The following CSRP3 variants were observed in gnomAD, a reference collection of about 807,000 sequenced individuals.
CSRP3 encodes the protein cysteine and glycine rich protein 3.
CSRP3 carries 24 observed loss-of-function variants against 24.3 expected under a neutral mutation model. The ratio of observed to expected loss-of-function variants is 0.99; its 90% CI spans 0.71 to 1.39. CSRP3 has a LOEUF of 1.39. Ranked by LOEUF, CSRP3 falls within the 40% of genes most tolerant of loss-of-function variation. The pLI is 0.00. For missense variants in CSRP3, 240 were observed against 249.0 expected, an observed-to-expected ratio of 0.96 and a Z score of 0.24; for synonymous variants, 105 against 94.0, an observed-to-expected ratio of 1.12 and a Z score of -0.68.
chr11:19,188,549 G>A lies in CSRP3; in HGVS notation c.113-245C>T, dbSNP rs529047531. ...AAAGGGTGGAAGCTAGCATTAGAAC[G>A]AGATATATAGTCTCAGACCTGCTAA... On this transcript the variant is annotated intron_variant, in intron 2 of 5. Coordinates refer to ENST00000265968, the MANE Select transcript of CSRP3 (RefSeq NM_003476.5). Among the ~76,000 whole-genome samples the A allele has an allele frequency of 1.7e-4, 26 of 151,824 alleles. No homozygotes were observed. The South Asian group carries it at 5.4e-3, about 32-fold the overall frequency.
At position 19,182,664 on chromosome 11, in the gene CSRP3, A is replaced by G. The variant is rs749568462; in HGVS notation, c.*6T>C. ...TCGCAAAAAATCTGAGAAACGGCGCACCTCTTCATTCTTTCTTTTCCACTT... is the reference window on the plus strand; with the variant it reads ...TCGCAAAAAATCTGAGAAACGGCGCGCCTCTTCATTCTTTCTTTTCCACTT... On this transcript the variant is annotated 3_prime_UTR_variant, in exon 6 of 6. Coordinates refer to ENST00000265968, the MANE Select transcript of CSRP3 (RefSeq NM_003476.5). 1.2e-6 allele frequency: 2 copies of G among 1,613,754 alleles called. No individual in the cohort carries two copies. Among genetic ancestry groups the G allele is most frequent in the Admixed American group, 3.3e-5 (2 of 60,004 alleles).
At chr11:19,191,321 C>T (rs1294101405) in intron 2 of CSRP3, among the ~76,000 whole-genome samples, 2 of 152,142 alleles carry the variant, frequency 1.3e-5, no homozygotes, top group African/African-American at 4.8e-5. Context: ...GAGTCCAGCC[C>T]TTGGAGTTCT....
At chr11:19,197,559 C>CTT in intron 1 of CSRP3, among the ~76,000 whole-genome samples, 1 of 127,486 alleles carries the variant, frequency 7.8e-6, no homozygotes, top group Non-Finnish European at 1.6e-5. Flanking sequence ...TTCTTTCTTT[C>CTT]TTTCTTTCTT....
chr11:19,182,908 G>A (rs1376786518), intron 5 of CSRP3, among the ~76,000 whole-genome samples, 162 bp from the exon 6 acceptor site: 2 of 152,208 alleles, frequency 1.3e-5, no homozygotes, highest in Non-Finnish European at 2.9e-5. Flanking sequence ...TGTAATCCCA[G>A]CACTTTGGGA....
chr11:19,199,958 G>A (rs568132488), intron 1 of CSRP3, among the ~76,000 whole-genome samples: 9 of 152,308 alleles, frequency 5.9e-5, no homozygotes, highest in East Asian at 3.9e-4. Context: ...CTCAAGACTT[G>A]TATTTCCTGT....
intron 5 of CSRP3, among the ~76,000 whole-genome samples, chr11:19,182,962 G>T (rs1281649179): frequency 6.6e-6 from 1 of 152,212 alleles, no homozygotes; most frequent in East Asian, 1.9e-4. Flanking sequence ...TTTGAGACCA[G>T]CCTGGCCAAC....
rs199793773 is a variant in CSRP3, at chr11:19,188,181, C to T, written c.236G>A (p.Cys79Tyr). 1 of 1,614,102 alleles carries T rather than the reference C, an allele frequency of 6.2e-7. No homozygotes were observed. Among genetic ancestry groups the T allele is most frequent in the Non-Finnish European group, 8.5e-7 (1 of 1,180,048 alleles). Residue 79 changes from cysteine to tyrosine, a missense_variant, in exon 3 of 6, where the codon TGT becomes TAT. Coordinates refer to ENST00000265968, the MANE Select transcript of CSRP3 (RefSeq NM_003476.5). ...KGIGYGQGAGCLSTDTGEHLG... is the reference protein window; with the variant it reads ...KGIGYGQGAGYLSTDTGEHLG... ...ATGCTCGCCCGTGTCTGTGCTGAGA[C>T]AGCCAGCGCCTTGTCCATACCCGAT...
chr11:19,201,302 G>A (rs1850836882), intron 1 of CSRP3, among the ~76,000 whole-genome samples: 2 of 152,180 alleles, frequency 1.3e-5, no homozygotes, highest in South Asian at 4.1e-4. Flanking sequence ...AAGCAAACTT[G>A]TTGCTGAATA....
At chr11:19,195,003 A>G (rs1850674896) in intron 1 of CSRP3, among the ~76,000 whole-genome samples, 1 of 152,098 alleles carries the variant, frequency 6.6e-6, no homozygotes, top group Non-Finnish European at 1.5e-5. Context: ...ACCAGAGAAG[A>G]GTCTTGTGAG....
At chr11:19,195,989 C>T (rs1159192780) in intron 1 of CSRP3, among the ~76,000 whole-genome samples, 1 of 152,160 alleles carries the variant, frequency 6.6e-6, no homozygotes, top group African/African-American at 2.4e-5. Context: ...TGAATCCAGG[C>T]CAGGCATGGT....
At chr11:19,197,500 C>CCTCTTT (rs1241199936) in intron 1 of CSRP3, among the ~76,000 whole-genome samples, 2 of 99,176 alleles carry the variant, frequency 2.0e-5, no homozygotes, top group African/African-American at 4.0e-5. Context: ...TCCCTCTTTT[C>CCTCTTT]CTCTTTCTTT....
chr11:19,184,778 G>A (rs1310551492), intron 5 of CSRP3, among the ~76,000 whole-genome samples, 174 bp downstream of exon 5: 1 of 152,216 alleles, frequency 6.6e-6, no homozygotes, highest in Non-Finnish European at 1.5e-5. Flanking sequence ...GCTGGGTCAG[G>A]TGGGAGATTC....
chr11:19,194,534 C>G (rs182253175), intron 1 of CSRP3, among the ~76,000 whole-genome samples: 1 of 151,946 alleles, frequency 6.6e-6, no homozygotes, highest in Non-Finnish European at 1.5e-5. Context: ...AAAAAATTAC[C>G]CTGGTGTGGT....
At chr11:19,191,049 G>A (rs1850605399) in intron 2 of CSRP3, among the ~76,000 whole-genome samples, 1 of 152,170 alleles carries the variant, frequency 6.6e-6, no homozygotes, top group Non-Finnish European at 1.5e-5. Flanking sequence ...TACAGGCCTA[G>A]AAGGCTGGAT....
At chr11:19,184,532 C>A (rs1850492351) in intron 5 of CSRP3, among the ~76,000 whole-genome samples, 2 of 152,210 alleles carry the variant, frequency 1.3e-5, no homozygotes, top group Non-Finnish European at 2.9e-5. Context: ...TGAGGCCAAA[C>A]TGAGTTCACC....
chr11:19,186,339 C>G lies in CSRP3; in HGVS notation c.291G>C (p.Lys97Asn). The G allele has an allele frequency of 6.2e-7, 1 of 1,614,212 alleles. No individual in the cohort carries two copies. Among genetic ancestry groups the G allele is most frequent in the Non-Finnish European group, 8.5e-7 (1 of 1,180,046 alleles). Residue 97 changes from lysine (K) to asparagine (N), a missense_variant, in exon 4 of 6, where the codon AAG (lysine) becomes AAC (asparagine). Lys to Asn is a moderately conservative substitution (Grantham distance 94). Coordinates refer to ENST00000265968, the MANE Select transcript of CSRP3 (RefSeq NM_003476.5). ...TGCTGGTGGTAACTGAGCGTGCCGG[C>G]TTTGGGGACCTGTTGGAAATAGACG... ...HLGLQFQQSP[K>N]PARSVTTSNP...
In CSRP3 at chr11:19,182,531, A is replaced by G; in HGVS notation, c.*139T>C. 1.2e-6 allele frequency: 1 copy of G among 802,694 alleles called. No individual in the cohort carries two copies. The highest frequency in any genetic ancestry group is 1.4e-5 in the South Asian group (1 of 73,450). The allele number at this position is 802,694 out of a possible 1,614,324, so 49.7% of individuals were successfully genotyped here. A position where few individuals can be genotyped will look rare whatever the true frequency, so the allele number is the denominator to read the frequency against. ...CAAAGGCCTCTTCTAACATTCAGTA[A>G]AGACCTGATCACTTCTGAGGAGAAA... On this transcript the variant is annotated 3_prime_UTR_variant, in exon 6 of 6. Coordinates refer to ENST00000265968, the MANE Select transcript of CSRP3 (RefSeq NM_003476.5).
intron 5 of CSRP3, among the ~76,000 whole-genome samples, chr11:19,183,450 T>C (rs1399675091): frequency 1.3e-5 from 2 of 152,072 alleles, no homozygotes; most frequent in Admixed American, 6.6e-5. Flanking sequence ...CTTCCTGGAA[T>C]GCCCCCTCCC....
chr11:19,197,240 G>T (rs1850729524), intron 1 of CSRP3, among the ~76,000 whole-genome samples: 1 of 152,026 alleles, frequency 6.6e-6, no homozygotes, highest in Middle Eastern at 3.4e-3. Flanking sequence ...AACCAATTAG[G>T]TTCTCCCACA....
Sources: gnomAD v4.1 joint callset for allele counts (sites outside exome capture counted in the v4.1 genomes callset) on GRCh38, gnomAD v4.1.1 for gene constraint, MANE v1.5 for transcripts, NCBI Gene and HGNC (gene_info 2026-07-23, HGNC 2026-07-21) for gene names.